RYR2: variants seen among roughly 807,000 people sequenced by gnomAD.
RYR2 encodes cardiac muscle ryanodine receptor-calcium release channel.
In RYR2, 227 loss-of-function variants were observed where a neutral mutation model predicts 601.1. That is an observed-to-expected ratio of 0.38 (90% CI 0.34 to 0.42). The LOEUF is 0.42. RYR2 is among the 10% of genes least tolerant of loss of function. The pLI is 1.00. For missense variants in RYR2, 4,646 were observed against 6,156.5 expected (o/e 0.75, Z 8.21); for synonymous variants, 2,223 against 2,175.1 (o/e 1.02, Z -0.61).
intron 16 of RYR2, 142 bp from the exon 17 acceptor site, chr1:237,468,950 G>A (rs1176326563): frequency 2.7e-5 from 17 of 621,602 alleles, no homozygotes; most frequent in South Asian, 2.3e-4. Flanking sequence ...GTATATGTAC[G>A]TGTATGTATG....
chr1:237,659,097 T>C (rs1683525772), intron 54 of RYR2, among the ~76,000 whole-genome samples: 1 of 152,186 alleles, frequency 6.6e-6, no homozygotes, highest in Non-Finnish European at 1.5e-5. Flanking sequence ...ACACCAAAGG[T>C]TGCTTCCAGA....
intron 63 of RYR2, among the ~76,000 whole-genome samples, chr1:237,696,314 G>C (rs12028693): frequency 2.6e-5 from 4 of 152,040 alleles, no homozygotes; most frequent in African/African-American, 4.8e-5. Flanking sequence ...ACTCATATAC[G>C]TTGCACTGGA....
chr1:237,296,112 GAT>G (rs1452617743), intron 2 of RYR2, among the ~76,000 whole-genome samples: 2 of 152,172 alleles, frequency 1.3e-5, no homozygotes, highest in Non-Finnish European at 2.9e-5. Context: ...ATGTAGAAGA[GAT>G]AGTGCAAAGA....
intron 77 of RYR2, among the ~76,000 whole-genome samples, chr1:237,730,795 G>A (rs1424208154): frequency 6.6e-6 from 1 of 152,108 alleles, no homozygotes; most frequent in Non-Finnish European, 1.5e-5. Flanking sequence ...ACAGGAGACT[G>A]AACACATGGT....
chr1:237,629,406 T>G (rs1241255033), intron 41 of RYR2, among the ~76,000 whole-genome samples: 3 of 151,830 alleles, frequency 2.0e-5, no homozygotes, highest in Non-Finnish European at 4.4e-5. Flanking sequence ...AAAAATAAGA[T>G]GGAATCAAAA....
rs531417368 is a variant in RYR2 at position 237,379,205 on chromosome 1, CTA to C, written c.576+1772_576+1773del. 3.3e-4 allele frequency among the ~76,000 whole-genome samples: 50 copies of C among 152,260 alleles called. 1 individual carries two copies. The East Asian group carries it at 9.2e-3, about 28-fold the overall frequency. The stretch of plus-strand genomic sequence containing the variant: ...ATACTTTATTTAGATTTTGACATAA[CTA>C]TGAATTTTTTCTTGTTGTTGTTGTT... On this transcript the variant is annotated intron_variant, in intron 8 of 104. Transcript: ENST00000366574.
chr1:237,342,445 C>G (rs966072531), intron 3 of RYR2, among the ~76,000 whole-genome samples: 4 of 151,892 alleles, frequency 2.6e-5, no homozygotes, highest in African/African-American at 4.8e-5. Flanking sequence ...TGAGCCACCT[C>G]ACCCCACTCA....
intron 29 of RYR2, among the ~76,000 whole-genome samples, chr1:237,573,769 G>A (rs943090319): frequency 2.0e-5 from 3 of 151,446 alleles, no homozygotes; most frequent in Admixed American, 6.6e-5. Context: ...CTGAGATCAC[G>A]CCACCTCACT....
intron 29 of RYR2, among the ~76,000 whole-genome samples, chr1:237,578,642 T>C (rs1246384951): frequency 6.6e-6 from 1 of 150,516 alleles, no homozygotes; most frequent in Non-Finnish European, 1.5e-5. Context: ...TGGAGACTTA[T>C]TTTGCAATGC....
At chr1:237,431,429 C>T (rs1276071901) in intron 12 of RYR2, among the ~76,000 whole-genome samples, 1 of 152,116 alleles carries the variant, frequency 6.6e-6, no homozygotes, top group Non-Finnish European at 1.5e-5. Flanking sequence ...GCAAATATTA[C>T]ATATTTTGAT....
chr1:237,523,192 C>T (rs1475739447), intron 24 of RYR2, among the ~76,000 whole-genome samples: 1 of 152,148 alleles, frequency 6.6e-6, no homozygotes, highest in Non-Finnish European at 1.5e-5. Context: ...ATATCCAAAA[C>T]ATGACCTATT....
intron 1 of RYR2, among the ~76,000 whole-genome samples, chr1:237,069,796 A>G (rs1405558934): frequency 1.3e-5 from 2 of 152,176 alleles, no homozygotes; most frequent in African/African-American, 2.4e-5. Flanking sequence ...CTCAAGGAAT[A>G]GATTTTATTT....
rs1281760057 is a variant in RYR2 at position 237,726,329 on chromosome 1, C to T, written c.10725+21C>T. 4 of 1,499,344 alleles carry T rather than the reference C, an allele frequency of 2.7e-6. No individual in the cohort carries two copies. The Admixed American group carries it at 7.1e-5, about 26-fold the overall frequency. The allele number at this position is 1,499,344 out of a possible 1,614,324, so 92.9% of individuals were successfully genotyped here. On this transcript the variant is annotated intron_variant, in intron 75 of 104. Transcript: ENST00000366574. Reference sequence around the variant, plus strand: ...GTCTGGGAAGTACAGTGCTCAATGGCCTAGAGATTACTAATTAATTTAGGT... The same window carrying T: ...GTCTGGGAAGTACAGTGCTCAATGGTCTAGAGATTACTAATTAATTTAGGT...
chr1:237,665,061 G>C (rs1684178652), intron 56 of RYR2, among the ~76,000 whole-genome samples: 1 of 152,154 alleles, frequency 6.6e-6, no homozygotes, highest in African/African-American at 2.4e-5. Flanking sequence ...CCATTACCTA[G>C]TTTCATACCA....
chr1:237,073,745 C>T (rs1167063194), intron 1 of RYR2, among the ~76,000 whole-genome samples: 2 of 151,754 alleles, frequency 1.3e-5, no homozygotes, highest in African/African-American at 4.8e-5. Context: ...GTGGCATGCA[C>T]CTGTAGTCCC....
At chr1:237,548,348 G>A in intron 25 of RYR2, 83 bp from the exon 26 acceptor site, 1 of 1,428,628 alleles carries the variant, frequency 7.0e-7, no homozygotes, top group Non-Finnish European at 9.6e-7. Context: ...GAACAGTAAT[G>A]AGGTAGGGCC....
At chr1:237,788,188 A>G in intron 92 of RYR2, 53 bp downstream of exon 92, 1 of 1,421,718 alleles carries the variant, frequency 7.0e-7, no homozygotes, top group Non-Finnish European at 9.6e-7. Flanking sequence ...TACCGTAATA[A>G]TTTAGGCTCA....
intron 33 of RYR2, 104 bp downstream of exon 33, chr1:237,593,740 T>C (rs1477041388): frequency 9.4e-6 from 11 of 1,175,790 alleles, no homozygotes; most frequent in Non-Finnish European, 1.1e-5. Flanking sequence ...TTTCTATTTA[T>C]AGGAAGAATA....
chr1:237,625,984 A>G (rs752716568), intron 40 of RYR2, among the ~76,000 whole-genome samples, 180 bp downstream of exon 40: 1 of 152,216 alleles, frequency 6.6e-6, no homozygotes, highest in East Asian at 1.9e-4. Flanking sequence ...GTCTATGTGT[A>G]TAGCAACAGA....
Sources: allele counts gnomAD v4.1 joint callset (sites outside exome capture counted in the v4.1 genomes callset), GRCh38; gene constraint gnomAD v4.1.1; transcripts MANE v1.5; gene names NCBI Gene and HGNC (gene_info 2026-07-23, HGNC 2026-07-21).